The following NAV2 variants were observed in gnomAD, a reference collection of about 807,000 sequenced individuals.
The protein encoded by NAV2 is helicase, APC down-regulated 1.
NAV2 carries 54 observed loss-of-function variants against 223.2 expected under a neutral mutation model. That is an observed-to-expected ratio of 0.24 (90% confidence interval 0.19 to 0.30). The LOEUF is 0.30. Ranked by LOEUF, NAV2 falls within the 10% of genes least tolerant of loss-of-function variation. NAV2 has a pLI of 1.00. For synonymous variants in NAV2, 1,279 were observed against 1,239.3 expected (o/e 1.03, Z -0.67); for missense variants, 2,806 against 3,147.5 (o/e 0.89, Z 2.60).
intron 10 of NAV2, among the ~76,000 whole-genome samples, chr11:19,953,750 G>C (rs1271812198): frequency 1.3e-5 from 2 of 152,174 alleles, no homozygotes; most frequent in African/African-American, 4.8e-5. Context: ...ATTTAATCCT[G>C]GCTCTGCCAA....
chr11:20,068,116 T>C, intron 20 of NAV2, 70 bp from the exon 21 acceptor site: 1 of 1,350,250 alleles, frequency 7.4e-7, no homozygotes. Context: ...AATATGGTGT[T>C]CCCGATGGGC....
chr11:19,414,208 A>C (rs1022937419), intron 1 of NAV2, among the ~76,000 whole-genome samples: 1 of 152,220 alleles, frequency 6.6e-6, no homozygotes, highest in Non-Finnish European at 1.5e-5. Context: ...GCTCAAAATA[A>C]AGGGATGGAG....
At chr11:20,025,075 G>A (rs1366635449) in intron 11 of NAV2, among the ~76,000 whole-genome samples, 1 of 152,112 alleles carries the variant, frequency 6.6e-6, no homozygotes, top group Admixed American at 6.5e-5. Flanking sequence ...AAAAAGCTTG[G>A]GTTTCAGAAT....
intron 6 of NAV2, among the ~76,000 whole-genome samples, chr11:19,900,032 A>G (rs1390430463): frequency 1.3e-5 from 2 of 152,172 alleles, no homozygotes; most frequent in African/African-American, 2.4e-5. Flanking sequence ...GGTGATAGCC[A>G]TCTTTTTTTG....
At chr11:19,654,262 A>G (rs1362636142) in intron 1 of NAV2, among the ~76,000 whole-genome samples, 1 of 152,240 alleles carries the variant, frequency 6.6e-6, no homozygotes, top group African/African-American at 2.4e-5. Context: ...AAATGGAAGA[A>G]CATTCCATGC....
intron 1 of NAV2, among the ~76,000 whole-genome samples, chr11:19,776,137 A>G (rs1463783678): frequency 6.6e-6 from 1 of 152,196 alleles, no homozygotes; most frequent in East Asian, 1.9e-4. Context: ...GAGAGCCAGG[A>G]TTTCCATCCT....
At chr11:19,584,815 G>A (rs2045840785) in intron 1 of NAV2, among the ~76,000 whole-genome samples, 1 of 152,156 alleles carries the variant, frequency 6.6e-6, no homozygotes, top group Non-Finnish European at 1.5e-5. Flanking sequence ...GGTCAATTTT[G>A]GAATAGGTGT....
chr11:19,733,807 G>A (rs1322125241), intron 1 of NAV2, among the ~76,000 whole-genome samples: 1 of 152,140 alleles, frequency 6.6e-6, no homozygotes, highest in Non-Finnish European at 1.5e-5. Context: ...GAGACTGTTG[G>A]TAATCCTGGT....
rs925223734 is a variant in NAV2, at chr11:20,068,735, G to T, written c.4983+337G>T. Among the ~76,000 whole-genome samples the T allele has an allele frequency of 2.0e-5, 3 of 152,140 alleles. No homozygotes were observed. The South Asian group carries it at 6.2e-4, about 32-fold the overall frequency. On this transcript the variant is annotated intron_variant, in intron 22 of 37. Coordinates refer to ENST00000349880, the MANE Select transcript of NAV2 (RefSeq NM_145117.5). ...CTTTCTGAAAATTTTGATTTTAAGGGTGGGAAAAAGAAGCAAAAAGGAAAG... is the reference window on the plus strand; with the variant it reads ...CTTTCTGAAAATTTTGATTTTAAGGTTGGGAAAAAGAAGCAAAAAGGAAAG...
intron 3 of NAV2, among the ~76,000 whole-genome samples, chr11:19,864,029 C>G (rs2061948471): frequency 6.6e-6 from 1 of 152,206 alleles, no homozygotes; most frequent in African/African-American, 2.4e-5. Flanking sequence ...CTACACTGTG[C>G]TTCCAAAGTC....
chr11:19,895,716 C>A (rs1412495931), intron 6 of NAV2, among the ~76,000 whole-genome samples: 1 of 152,050 alleles, frequency 6.6e-6, no homozygotes, highest in Non-Finnish European at 1.5e-5. Context: ...CTGGGCTGTC[C>A]CAGGTTTTTT....
At chr11:19,928,983 G>A (rs929640644) in intron 6 of NAV2, among the ~76,000 whole-genome samples, 7 of 152,206 alleles carry the variant, frequency 4.6e-5, no homozygotes, top group East Asian at 3.9e-4. Flanking sequence ...GGCCAGGCGC[G>A]GTGGCTCACA....
intron 1 of NAV2, among the ~76,000 whole-genome samples, chr11:19,537,786 C>G (rs938774814): frequency 1.3e-5 from 2 of 152,216 alleles, no homozygotes; most frequent in African/African-American, 4.8e-5. Flanking sequence ...AGTCCCTGCT[C>G]TGCTACTTTA....
Position 19,489,677 on chromosome 11 carries a change from G to T in NAV2, c.75+138650G>T, listed in dbSNP as rs547225625. On this transcript the variant is annotated intron_variant, in intron 1 of 37. Transcript: ENST00000360655. The stretch of plus-strand genomic sequence containing the variant: ...CTGATTCTCAGCTCTCTCACTGTAA[G>T]ATCAGAGATGACATATGAGAATTGT... Among the ~76,000 whole-genome samples the T allele has an allele frequency of 3.9e-5, 6 of 152,312 alleles. No individual in the cohort carries two copies. In the South Asian group the frequency reaches 8.3e-4, roughly 21 times the overall value.
chr11:19,583,379 T>C (rs2045785309), intron 1 of NAV2, among the ~76,000 whole-genome samples: 1 of 152,220 alleles, frequency 6.6e-6, no homozygotes, highest in South Asian at 2.1e-4. Context: ...TTCCTTCTCC[T>C]GCCTGATTGC....
intron 1 of NAV2, among the ~76,000 whole-genome samples, chr11:19,398,359 C>T (rs917202363): frequency 2.6e-5 from 4 of 152,076 alleles, no homozygotes; most frequent in Non-Finnish European, 5.9e-5. Context: ...GCAATCAACC[C>T]CCTTGATCCA....
intron 1 of NAV2, chr11:19,714,575 G>C: frequency 2.4e-6 from 1 of 425,458 alleles, no homozygotes; most frequent in Non-Finnish European, 4.8e-6. Context: ...CCGGCAGCTG[G>C]AGACTCCTAG....
intron 10 of NAV2, among the ~76,000 whole-genome samples, chr11:19,951,483 T>C (rs890969530): frequency 1.1e-4 from 16 of 152,230 alleles, no homozygotes; most frequent in African/African-American, 3.9e-4. Flanking sequence ...TAGAAGACTT[T>C]TGGTATCTAG....
chr11:20,033,441 TG>T (rs958169340), intron 11 of NAV2, among the ~76,000 whole-genome samples: 1 of 152,210 alleles, frequency 6.6e-6, no homozygotes, highest in Non-Finnish European at 1.5e-5. Context: ...GGAGATGATG[TG>T]GGTGGGCTGG....
Sources: allele counts gnomAD v4.1 joint callset (sites outside exome capture counted in the v4.1 genomes callset), GRCh38; gene constraint gnomAD v4.1.1; transcripts MANE v1.5; gene names NCBI Gene and HGNC (gene_info 2026-07-23, HGNC 2026-07-21).